The following RAP1A variants were observed in gnomAD, a reference collection of about 807,000 sequenced individuals.
RAP1A encodes RAP1A, member of RAS oncogene family, also known as ras-related protein Rap-1A.
Under a neutral mutation model 26.4 loss-of-function variants are expected in RAP1A, and 6 were observed. The ratio of observed to expected loss-of-function variants is 0.23; its 90% CI spans 0.12 to 0.45. The LOEUF (loss-of-function observed/expected upper bound fraction) is 0.45. Ranked by LOEUF, RAP1A falls within the 20% of genes least tolerant of loss-of-function variation. The pLI is 0.99. For missense variants in RAP1A, 121 were observed against 217.2 expected (o/e 0.56, Z 2.78); for synonymous variants, 73 against 79.4 (o/e 0.92, Z 0.43).
chr1:111,595,368 AAG>A (rs1658546862), intron 1 of RAP1A, among the ~76,000 whole-genome samples: 1 of 152,178 alleles, frequency 6.6e-6, no homozygotes. Context: ...TTGAAGGACA[AAG>A]AAATTGCCTG....
In RAP1A at chr1:111,619,821, T is replaced by A. The variant is rs896540930; in HGVS notation, c.-141T>A. On this transcript the variant is annotated 5_prime_UTR_variant, in exon 1 of 8. Coordinates refer to ENST00000369709, the MANE Select transcript of RAP1A (RefSeq NM_002884.4). ...CTCCCGAGGCCCCTGCCGCCGCCGC[T>A]CCCGCTGCTGTCGCCGCGCAGAGCC... The A allele has an allele frequency of 2.5e-6, 1 of 393,206 alleles. No homozygotes were observed. The highest frequency in any genetic ancestry group is 4.5e-5 in the Admixed American group (1 of 22,466). 24.4% of individuals were successfully genotyped at this position (393,206 alleles called of 1,614,324 possible).
intron 1 of RAP1A, chr1:111,648,341 A>T (rs1005050052): frequency 4.1e-6 from 3 of 725,458 alleles, no homozygotes; most frequent in Admixed American, 3.9e-5. Flanking sequence ...GCCATCCACT[A>T]TCTGGTGGAT....
chr1:111,632,882 T>C (rs1176008514), intron 1 of RAP1A, among the ~76,000 whole-genome samples: 7 of 144,226 alleles, frequency 4.9e-5, no homozygotes, highest in Admixed American at 3.6e-4. Flanking sequence ...GATGGTGCCA[T>C]TGCACTGCAG....
Position 111,688,289 on chromosome 1 carries a change from G to A in RAP1A, c.-27-3045G>A, listed in dbSNP as rs867150394. 2.6e-5 allele frequency among the ~76,000 whole-genome samples: 3 copies of A among 115,916 alleles called. No homozygotes were observed. In the South Asian group the frequency reaches 8.4e-4, roughly 33 times the overall value. The allele number at this position is 115,916 out of a possible 152,430, so 76.0% of individuals were successfully genotyped here. On this transcript the variant is annotated intron_variant, in intron 1 of 7. Transcript: ENST00000369709. ...TCTGTGTGTGTGTGTGTGTGTGTGTGTGTGTGTGTGTATATATATTTTTTT... is the reference window on the plus strand; with the variant it reads ...TCTGTGTGTGTGTGTGTGTGTGTGTATGTGTGTGTGTATATATATTTTTTT...
chr1:111,682,557 T>G (rs1475119118), intron 1 of RAP1A, among the ~76,000 whole-genome samples: 2 of 150,612 alleles, frequency 1.3e-5, no homozygotes, highest in Non-Finnish European at 3.0e-5. Context: ...AAACAGACTT[T>G]AAACCAACAA....
intron 1 of RAP1A, among the ~76,000 whole-genome samples, chr1:111,643,109 T>A (rs545689844): frequency 1.2e-4 from 19 of 152,220 alleles, no homozygotes; most frequent in Non-Finnish European, 2.8e-4. Flanking sequence ...GTAAGTACTT[T>A]AGGATTTTGG....
chr1:111,623,816 C>G (rs770683884), intron 1 of RAP1A, among the ~76,000 whole-genome samples: 9 of 152,184 alleles, frequency 5.9e-5, no homozygotes, highest in Admixed American at 2.0e-4. Context: ...ATTTCTGGTT[C>G]TGGAACCTAG....
intron 1 of RAP1A, among the ~76,000 whole-genome samples, chr1:111,655,808 G>A (rs1660439145): frequency 6.6e-6 from 1 of 151,536 alleles, no homozygotes. Flanking sequence ...CGAGTAGCTG[G>A]GACCACAGGC....
intron 1 of RAP1A, among the ~76,000 whole-genome samples, chr1:111,668,904 C>T (rs930030983): frequency 1.3e-5 from 2 of 151,600 alleles, no homozygotes; most frequent in African/African-American, 4.8e-5. Context: ...GTGGTGTGTG[C>T]CTGTAGTCCC....
chr1:111,635,250 T>C (rs1022738211), intron 1 of RAP1A, among the ~76,000 whole-genome samples: 31 of 152,226 alleles, frequency 2.0e-4, no homozygotes, highest in Non-Finnish European at 1.0e-4. Flanking sequence ...TCAGATTTGC[T>C]TCAGTTACGT....
rs141365002 is a variant in RAP1A at position 111,613,872 on chromosome 1, G to A, written c.-28+71363G>A. ...GAGTGGCACTAATATAGATAACATC[G>A]GTTTAGTTAATTCAAGTATACAAAT... On this transcript the variant is annotated intron_variant, in intron 1 of 7. Coordinates refer to the RAP1A transcript ENST00000356415. Among the ~76,000 whole-genome samples, 9 of 152,242 alleles carry A rather than the reference G, an allele frequency of 5.9e-5. No individual in the cohort carries two copies. The East Asian group carries it at 1.7e-3, about 29-fold the overall frequency.
At chr1:111,682,736 T>A (rs965605419) in intron 1 of RAP1A, among the ~76,000 whole-genome samples, 86 of 152,220 alleles carry the variant, frequency 5.6e-4, no homozygotes, top group African/African-American at 1.9e-3. Context: ...GTGGGAGACT[T>A]TAACACACCA....
At chr1:111,578,704 G>A (rs988969165) in intron 1 of RAP1A, among the ~76,000 whole-genome samples, 1 of 152,130 alleles carries the variant, frequency 6.6e-6, no homozygotes, top group Non-Finnish European at 1.5e-5. Context: ...TTCTCCAGCA[G>A]ACCCTCTCTG....
upstream of RAP1A, among the ~76,000 whole-genome samples, chr1:111,615,724 G>C (rs548117149): frequency 6.6e-6 from 1 of 151,650 alleles, no homozygotes. Flanking sequence ...CCAGCTACTC[G>C]GGAGGCTGAA....
At chr1:111,606,580 C>T (rs973334207) in intron 1 of RAP1A, among the ~76,000 whole-genome samples, 1 of 152,200 alleles carries the variant, frequency 6.6e-6, no homozygotes, top group African/African-American at 2.4e-5. Context: ...CAAGAGTGTG[C>T]CCAGCCGTGC....
intron 1 of RAP1A, among the ~76,000 whole-genome samples, chr1:111,655,320 CAA>C (rs920731157): frequency 1.4e-5 from 2 of 144,550 alleles, no homozygotes; most frequent in Non-Finnish European, 3.0e-5. Context: ...TAAAAGCAAA[CAA>C]TATCTGAGGG....
At chr1:111,639,045 T>G (rs999627619) in intron 1 of RAP1A, among the ~76,000 whole-genome samples, 1 of 151,850 alleles carries the variant, frequency 6.6e-6, no homozygotes, top group African/African-American at 2.4e-5. Flanking sequence ...ATAACATTTC[T>G]GTCAAATATG....
At chr1:111,566,741 G>A (rs947652213) in intron 1 of RAP1A, among the ~76,000 whole-genome samples, 1 of 151,956 alleles carries the variant, frequency 6.6e-6, no homozygotes, top group Non-Finnish European at 1.5e-5. Context: ...AATGTACTTG[G>A]GGTTCTTCCT....
chr1:111,675,947 C>A (rs751812291), intron 1 of RAP1A, among the ~76,000 whole-genome samples: 1 of 152,126 alleles, frequency 6.6e-6, no homozygotes, highest in East Asian at 1.9e-4. Flanking sequence ...ACAGGTTTCC[C>A]CTTATCAAAG....
Sources: gnomAD v4.1 joint callset for allele counts (sites outside exome capture counted in the v4.1 genomes callset) on GRCh38, gnomAD v4.1.1 for gene constraint, MANE v1.5 for transcripts, NCBI Gene and HGNC (gene_info 2026-07-23, HGNC 2026-07-21) for gene names.